The following DLG2 variants were observed in gnomAD, a reference collection of about 807,000 sequenced individuals.
DLG2 encodes the protein disks large homolog 2.
Under a neutral mutation model 132.5 loss-of-function variants are expected in DLG2, and 45 were observed. That is an observed-to-expected ratio of 0.34 (90% CI 0.27 to 0.44). The LOEUF (loss-of-function observed/expected upper bound fraction) is 0.44. DLG2 is among the 20% of genes least tolerant of loss of function. DLG2 has a pLI of 1.00. For missense variants in DLG2, 1,045 were observed against 1,196.9 expected (o/e 0.87, Z 1.87); for synonymous variants, 424 against 419.6 (o/e 1.01, Z -0.13).
At chr11:83,915,591 TA>T (rs1284581921) in intron 15 of DLG2, among the ~76,000 whole-genome samples, 2 of 152,300 alleles carry the variant, frequency 1.3e-5, no homozygotes, top group African/African-American at 4.8e-5. Flanking sequence ...TAACCTTTCA[TA>T]GACAAATTAA....
chr11:84,270,988 T>C (rs939538943), intron 7 of DLG2, among the ~76,000 whole-genome samples: 2 of 152,180 alleles, frequency 1.3e-5, no homozygotes, highest in Non-Finnish European at 2.9e-5. Flanking sequence ...ACAAATTCCA[T>C]ACAAGTGAAA....
At chr11:83,713,880 G>A (rs2086069938) in intron 18 of DLG2, among the ~76,000 whole-genome samples, 1 of 152,206 alleles carries the variant, frequency 6.6e-6, no homozygotes, top group Admixed American at 6.5e-5. Context: ...TTGCGAATGT[G>A]CAAGGATGAA....
chr11:85,409,579 T>C (rs2089125954), intron 3 of DLG2, among the ~76,000 whole-genome samples: 1 of 151,876 alleles, frequency 6.6e-6, no homozygotes, highest in African/African-American at 2.4e-5. Flanking sequence ...GAAAGAGTTT[T>C]AGCATTTGTA....
intron 3 of DLG2, among the ~76,000 whole-genome samples, chr11:85,382,305 G>A (rs1404756144): frequency 1.3e-5 from 2 of 152,014 alleles, no homozygotes; most frequent in Non-Finnish European, 2.9e-5. Context: ...GGGGACAATT[G>A]AAAATTCATA....
chr11:84,670,033 C>T (rs369733861), intron 6 of DLG2, among the ~76,000 whole-genome samples: 1 of 152,060 alleles, frequency 6.6e-6, no homozygotes, highest in East Asian at 1.9e-4. Flanking sequence ...GAGAATAAGG[C>T]GAATGGGCAT....
intron 8 of DLG2, among the ~76,000 whole-genome samples, chr11:84,212,753 G>A (rs949270883): frequency 6.6e-6 from 1 of 152,102 alleles, no homozygotes; most frequent in Non-Finnish European, 1.5e-5. Flanking sequence ...TCCGCCTCCC[G>A]GTTCAAGCGA....
At chr11:85,070,317 T>G (rs1216517044) in intron 6 of DLG2, among the ~76,000 whole-genome samples, 2 of 149,412 alleles carry the variant, frequency 1.3e-5, no homozygotes, top group East Asian at 3.9e-4. Flanking sequence ...AATAAATAAA[T>G]AAATAAATAA....
intron 3 of DLG2, among the ~76,000 whole-genome samples, chr11:85,408,380 G>C (rs1344921089): frequency 6.6e-6 from 1 of 150,378 alleles, no homozygotes; most frequent in East Asian, 2.0e-4. Context: ...AAATTGTTTT[G>C]TACTATTATT....
chr11:83,658,411 C>A (rs188312708), intron 18 of DLG2, among the ~76,000 whole-genome samples: 1 of 152,284 alleles, frequency 6.6e-6, no homozygotes, highest in Admixed American at 6.5e-5. Context: ...TTAATTATAT[C>A]CAACTGTCAG....
chr11:84,570,051 G>C (rs1277269513), intron 6 of DLG2, among the ~76,000 whole-genome samples: 1 of 152,056 alleles, frequency 6.6e-6, no homozygotes, highest in East Asian at 1.9e-4. Flanking sequence ...AAAGGATGAA[G>C]TTTCAAATAA....
At chr11:83,565,201 C>A (rs558104) in intron 19 of DLG2, among the ~76,000 whole-genome samples, 47,345 of 151,814 alleles carry the variant, frequency 0.31, 8,459 homozygotes, top group Admixed American at 0.47. Context: ...ATAATATGAC[C>A]ATTGTGCTGG....
chr11:84,714,623 T>TTCTCTCTCTC (rs1284319609), intron 6 of DLG2, among the ~76,000 whole-genome samples: 1 of 104,992 alleles, frequency 9.5e-6, no homozygotes, highest in African/African-American at 4.3e-5. Flanking sequence ...CTCTTTCTCT[T>TTCTCTCTCTC]TCTCTCTCTC....
At chr11:84,059,641 T>TAA (rs2096559637) in intron 10 of DLG2, among the ~76,000 whole-genome samples, 157 bp from the exon 11 acceptor site, 1 of 152,194 alleles carries the variant, frequency 6.6e-6, no homozygotes, top group Non-Finnish European at 1.5e-5. Flanking sequence ...GAAGGAAATC[T>TAA]AAAAAATGTC....
chr11:83,635,787 T>G (rs149250316), intron 18 of DLG2, among the ~76,000 whole-genome samples: 10 of 152,200 alleles, frequency 6.6e-5, no homozygotes, highest in African/African-American at 1.9e-4. Flanking sequence ...AACTCCCTTA[T>G]CATTAGATAT....
At chr11:84,198,582 G>A (rs1246696986) in intron 8 of DLG2, among the ~76,000 whole-genome samples, 1 of 152,006 alleles carries the variant, frequency 6.6e-6, no homozygotes, top group South Asian at 2.1e-4. Flanking sequence ...TTTATACTTT[G>A]TAAGTAAATT....
At chr11:84,727,117 A>C (rs992140059) in intron 6 of DLG2, among the ~76,000 whole-genome samples, 2 of 152,138 alleles carry the variant, frequency 1.3e-5, no homozygotes, top group African/African-American at 4.8e-5. Context: ...CCTGTTTGTC[A>C]ATTTTGGCTT....
intron 3 of DLG2, among the ~76,000 whole-genome samples, chr11:85,460,814 A>T (rs1438656369): frequency 6.6e-6 from 1 of 152,194 alleles, no homozygotes; most frequent in African/African-American, 2.4e-5. Context: ...GCTTTGAAAA[A>T]CTAAGACCAA....
Position 85,087,860 on chromosome 11 carries a change from A to AAAAAAG in DLG2, c.357+23800_357+23801insCTTTTT, listed in dbSNP as rs1555365310. 2.6e-3 allele frequency among the ~76,000 whole-genome samples: 381 copies of AAAAAAG among 147,754 alleles called. 7 individuals carry two copies. The highest frequency in any genetic ancestry group is 9.3e-3 in the African/African-American group (374 of 40,052). ...ACTCCGTCTCAAAAAAAAAAAAAAA[A>AAAAAAG]AAAAAAAAACAGATCATGGAGGGAT... On this transcript the variant is annotated intron_variant, in intron 6 of 27. Transcript: ENST00000376104.
intron 3 of DLG2, among the ~76,000 whole-genome samples, chr11:85,471,766 A>T (rs1360701941): frequency 1.3e-5 from 2 of 152,348 alleles, no homozygotes; most frequent in East Asian, 3.9e-4. Flanking sequence ...CAACAATATG[A>T]GAGAAGCAAT....
Sources: allele counts gnomAD v4.1 joint callset (sites outside exome capture counted in the v4.1 genomes callset), GRCh38; gene constraint gnomAD v4.1.1; transcripts MANE v1.5; gene names NCBI Gene and HGNC (gene_info 2026-07-23, HGNC 2026-07-21).